Variants in PRORP observed in about 807,000 individuals in gnomAD.
PRORP encodes mitochondrial ribonuclease P catalytic subunit.
In PRORP, 51 loss-of-function variants were observed where a neutral mutation model predicts 59.4. The ratio of observed to expected loss-of-function variants is 0.86; its 90% CI spans 0.69 to 1.08. The LOEUF is 1.08. PRORP is among the 50% of genes least tolerant of loss of function. The pLI is 0.00. For missense variants in PRORP, 646 were observed against 690.3 expected (o/e 0.94, Z 0.72); for synonymous variants, 231 against 245.6 (o/e 0.94, Z 0.55).
intron 6 of PRORP, among the ~76,000 whole-genome samples, chr14:35,267,137 G>A (rs1049973827): frequency 8.5e-5 from 13 of 152,126 alleles, no homozygotes; most frequent in Admixed American, 2.6e-4. Context: ...AGTCAGGAGT[G>A]AGATTAGTAC....
At chr14:35,199,224 A>C (rs908716713) in intron 5 of PRORP, among the ~76,000 whole-genome samples, 1 of 151,182 alleles carries the variant, frequency 6.6e-6, no homozygotes, top group Non-Finnish European at 1.5e-5. Context: ...AGTCCCAGCT[A>C]CTCGGGAGGC....
At chr14:35,215,708 T>C (rs968795957) in intron 5 of PRORP, among the ~76,000 whole-genome samples, 10 of 151,918 alleles carry the variant, frequency 6.6e-5, no homozygotes, top group Non-Finnish European at 1.0e-4. Context: ...TGAGCTATGA[T>C]TGAGCAATTA....
At chr14:35,212,136 T>G (rs1246843419) in intron 5 of PRORP, among the ~76,000 whole-genome samples, 1 of 152,210 alleles carries the variant, frequency 6.6e-6, no homozygotes, top group African/African-American at 2.4e-5. Flanking sequence ...GTTACAGCAA[T>G]TCAGTCCCAT....
intron 5 of PRORP, among the ~76,000 whole-genome samples, chr14:35,258,738 T>C (rs2050822865): frequency 1.3e-5 from 2 of 152,160 alleles, no homozygotes; most frequent in African/African-American, 4.8e-5. Flanking sequence ...GGGATCAGTT[T>C]GGAATTTTAG....
chr14:35,157,644 C>T (rs1316444467), intron 4 of PRORP, among the ~76,000 whole-genome samples: 1 of 152,152 alleles, frequency 6.6e-6, no homozygotes, highest in African/African-American at 2.4e-5. Context: ...CCTGCCTTGG[C>T]CTCCCAAAGT....
rs759317232 is a variant in PRORP at position 35,123,237 on chromosome 14, C to T, written c.-9C>T. On this transcript the variant is annotated 5_prime_UTR_variant, in exon 2 of 8. Coordinates refer to ENST00000534898, the MANE Select transcript of PRORP (RefSeq NM_014672.4). ...CTCTCTCACTATCTGGTGCTGATCT[C>T]ACTGCATAATGACTTTCTATTTGTT... 61 of 1,601,490 alleles carry T rather than the reference C, an allele frequency of 3.8e-5. No individual in the cohort carries two copies. Among genetic ancestry groups the T allele is most frequent in the Non-Finnish European group, 5.1e-5 (60 of 1,175,110 alleles).
At chr14:35,134,755 G>T (rs1031839902) in intron 4 of PRORP, among the ~76,000 whole-genome samples, 6 of 152,150 alleles carry the variant, frequency 3.9e-5, no homozygotes, top group African/African-American at 1.4e-4. Flanking sequence ...CCTGGGCTTA[G>T]GGGAGGTATG....
At chr14:35,151,627 T>TACACAC (rs1168678091) in intron 4 of PRORP, among the ~76,000 whole-genome samples, 6 of 125,012 alleles carry the variant, frequency 4.8e-5, no homozygotes, top group African/African-American at 2.0e-4. Flanking sequence ...TCTGACATGC[T>TACACAC]ACACACACAC....
At position 35,276,446 on chromosome 14, in the gene PRORP, C is replaced by T. The variant is rs141601344; in HGVS notation, c.*2880C>T. 18 of 152,016 alleles carry T rather than the reference C, an allele frequency of 1.2e-4. No homozygotes were observed. Among genetic ancestry groups the T allele is most frequent in the African/African-American group, 3.9e-4 (16 of 41,502 alleles). The allele number at this position is 152,016 out of a possible 1,614,324, so 9.4% of individuals were successfully genotyped here. On this transcript the variant is annotated 3_prime_UTR_variant, in exon 8 of 8. Coordinates refer to ENST00000534898, the MANE Select transcript of PRORP (RefSeq NM_014672.4). Reference sequence around the variant, plus strand: ...AAATAACTCTAATACTGTTTAGAAACAAAACCCTAACTTCTGCTTGAGATA... The same window carrying T: ...AAATAACTCTAATACTGTTTAGAAATAAAACCCTAACTTCTGCTTGAGATA...
chr14:35,155,031 A>G (rs2047877841), intron 4 of PRORP, among the ~76,000 whole-genome samples: 1 of 152,068 alleles, frequency 6.6e-6, no homozygotes, highest in South Asian at 2.1e-4. Context: ...AGTAGCTAGG[A>G]CTACAGGTGC....
At chr14:35,184,674 C>G (rs917004637) in intron 5 of PRORP, among the ~76,000 whole-genome samples, 14 of 152,256 alleles carry the variant, frequency 9.2e-5, no homozygotes, top group African/African-American at 3.4e-4. Flanking sequence ...TGCCTTCTCC[C>G]ACACTCCCCG....
At chr14:35,236,137 C>G (rs1407660371) in intron 5 of PRORP, among the ~76,000 whole-genome samples, 1 of 151,290 alleles carries the variant, frequency 6.6e-6, no homozygotes, top group East Asian at 1.9e-4. Flanking sequence ...AAACTAAGAC[C>G]CAGAAAAGGT....
chr14:35,132,902 TTTTTGTTTTG>T (rs142726818), intron 4 of PRORP, among the ~76,000 whole-genome samples: 345 of 151,262 alleles, frequency 2.3e-3, no homozygotes, highest in African/African-American at 5.0e-3. Context: ...AGTTAGTGTT[TTTTTGTTTTG>T]TTTTGTTTTG....
intron 4 of PRORP, among the ~76,000 whole-genome samples, chr14:35,175,159 T>A (rs2048415936): frequency 6.6e-6 from 1 of 152,146 alleles, no homozygotes; most frequent in African/African-American, 2.4e-5. Flanking sequence ...ACATTTGGGT[T>A]GGTTCCAAGT....
rs143595106 is a variant in PRORP at position 35,149,209 on chromosome 14, G to A, written c.1167+21598G>A. On this transcript the variant is annotated intron_variant, in intron 4 of 7. Coordinates refer to ENST00000534898, the MANE Select transcript of PRORP (RefSeq NM_014672.4). ...GCTGGGATTACAAGCGTGAGCCACC[G>A]CGCCCGGCCTAATTTTTTTTTTTAA... 3.1e-3 allele frequency among the ~76,000 whole-genome samples: 462 copies of A among 151,204 alleles called. 2 individuals are homozygous for A. Among genetic ancestry groups the A allele is most frequent in the East Asian group, 0.014 (71 of 5,136 alleles).
chr14:35,177,434 C>G (rs1457513108), intron 4 of PRORP, among the ~76,000 whole-genome samples: 2 of 152,120 alleles, frequency 1.3e-5, no homozygotes, highest in Admixed American at 1.3e-4. Flanking sequence ...TGTTATTGGT[C>G]TATTCAGAGA....
chr14:35,225,611 TGCTGGGATTACA>T (rs1282214533), intron 5 of PRORP, among the ~76,000 whole-genome samples: 1 of 151,832 alleles, frequency 6.6e-6, no homozygotes, highest in Non-Finnish European at 1.5e-5. Flanking sequence ...CCTCCCAAAG[TGCTGGGATTACA>T]GGCATGAGCC....
intron 4 of PRORP, among the ~76,000 whole-genome samples, chr14:35,135,192 CTG>C (rs1008815652): frequency 6.6e-6 from 1 of 152,196 alleles, no homozygotes; most frequent in African/African-American, 2.4e-5. Flanking sequence ...TGATTCAAGA[CTG>C]TTTTTCCTAC....
At chr14:35,144,011 C>T (rs74426917) in intron 4 of PRORP, 3,919 of 146,076 alleles carry the variant, frequency 0.027, 290 homozygotes, top group African/African-American at 0.091. Context: ...ATTAGCTATT[C>T]GGACTCAGTT....
Sources: allele counts gnomAD v4.1 joint callset (sites outside exome capture counted in the v4.1 genomes callset), GRCh38; gene constraint gnomAD v4.1.1; transcripts MANE v1.5; gene names NCBI Gene and HGNC (gene_info 2026-07-23, HGNC 2026-07-21).